IDUA: variants seen among roughly 807,000 people sequenced by gnomAD.
The protein encoded by IDUA is alpha-L-iduronidase.
Under a neutral mutation model 68.9 loss-of-function variants are expected in IDUA, and 65 were observed. The observed-to-expected ratio is 0.94, with a 90% CI of 0.77 to 1.16. The LOEUF (loss-of-function observed/expected upper bound fraction) is 1.16, where lower values mean the gene tolerates loss of function less well. Among genes scored for constraint, IDUA ranks in the 50% most tolerant of loss-of-function variants. The pLI is 0.00. For missense variants in IDUA, 1,046 were observed against 938.0 expected (o/e 1.12, Z -1.50); for synonymous variants, 529 against 433.6 (o/e 1.22, Z -2.73).
chr4:988,700 C>A, intron 2 of IDUA: 1 of 1,416,148 alleles, frequency 7.1e-7, no homozygotes, highest in East Asian at 2.6e-5. Context: ...TCCCCGGTTT[C>A]CCCAGGGCAG....
intron 2 of IDUA, chr4:989,843 T>A (rs1444246659): frequency 1.3e-6 from 2 of 1,578,772 alleles, no homozygotes; most frequent in African/African-American, 1.3e-5. Context: ...TAGCCGTGAC[T>A]GCGGGCGAAC....
At chr4:989,393 T>C in intron 2 of IDUA, 2 of 1,568,740 alleles carry the variant, frequency 1.3e-6, no homozygotes, top group Admixed American at 1.9e-5. Flanking sequence ...GTGTCCCCGA[T>C]GCGGGCCAGC....
rs1482242662 is a variant in IDUA at position 1,004,408 on chromosome 4, C to T, written c.*15C>T. 1.2e-6 allele frequency: 2 copies of T among 1,609,262 alleles called. No homozygotes were observed. The highest frequency in any genetic ancestry group is 2.2e-5 in the South Asian group (2 of 91,020). On this transcript the variant is annotated 3_prime_UTR_variant, in exon 14 of 14. Coordinates refer to ENST00000514224, the MANE Select transcript of IDUA (RefSeq NM_000203.5). The surrounding 1 kb of genome is among the most constrained non-coding windows in gnomAD (Gnocchi z 5.0). ...GCAATCCATGAGCCTGTGCTGAGCC[C>T]CAGTGGGTTGCACCTCCACCGGCAG...
Position 1,002,935 on chromosome 4 carries a change from C to G in IDUA, c.1393C>G (p.Pro465Ala). The change falls in exon 9 of 14, where the codon CCC (proline) becomes GCC (alanine). Residue 465 changes from proline to alanine, a missense_variant. By Grantham distance (27) the Pro-to-Ala change is conservative (BLOSUM62 -1). Transcript: ENST00000514224. ...GACCCTGCGGCTGCGCGGGGTGCCC[C>G]CCGGCCCGGGTAAGCCGGGGTTCCA... ...AVTLRLRGVP[P>A]GPGLVYVTRY... The G allele has an allele frequency of 7.3e-7, 1 of 1,361,842 alleles. No homozygotes were observed. The highest frequency in any genetic ancestry group is 1.8e-5 in the South Asian group (1 of 56,118). The allele number at this position is 1,361,842 out of a possible 1,614,324, so 84.4% of individuals were successfully genotyped here.
chr4:989,607 G>A lies in IDUA; in HGVS notation c.299+1658G>A, dbSNP rs766281224. The A allele has an allele frequency of 1.9e-5, 31 of 1,601,944 alleles. No individual in the cohort carries two copies. Among genetic ancestry groups the A allele is most frequent in the Middle Eastern group, 1.7e-4 (1 of 5,968 alleles). Reference sequence around the variant, plus strand: ...CCCCCCGCAGGCTGACCACGATGACGCAGGCCAGCACGCTTCGCTGTAGGT... The same window carrying A: ...CCCCCCGCAGGCTGACCACGATGACACAGGCCAGCACGCTTCGCTGTAGGT... On this transcript the variant is annotated intron_variant, in intron 2 of 13. Coordinates refer to ENST00000514224, the MANE Select transcript of IDUA (RefSeq NM_000203.5).
chr4:995,411 A>C (rs1370794606), intron 2 of IDUA, among the ~76,000 whole-genome samples: 5 of 151,426 alleles, frequency 3.3e-5, no homozygotes, highest in Admixed American at 3.3e-4. Context: ...GACAGTGAGT[A>C]CTGGGTGGGA....
chr4:1,001,672 G>C lies in IDUA; in HGVS notation c.590-7G>C, dbSNP rs762411583. 1 of 1,601,950 alleles carries C rather than the reference G, an allele frequency of 6.2e-7. No homozygotes were observed. The highest frequency in any genetic ancestry group is 2.2e-5 in the East Asian group (1 of 44,772). On this transcript the variant is annotated splice_region_variant and splice_polypyrimidine_tract_variant and intron_variant, in intron 5 of 13. Transcript: ENST00000514224. ...GCAGGTGTAGACGCAGTGCTCCCCC[G>C]GCCCAGGCTTCCTGAACTACTACGA...
At chr4:990,933 C>T (rs1714241114) in intron 2 of IDUA, 1 of 582,176 alleles carries the variant, frequency 1.7e-6, no homozygotes, top group Non-Finnish European at 2.9e-6. Context: ...TCCCCTCCTG[C>T]ATCCACAGCC....
chr4:991,246 A>G (rs1178661703), intron 2 of IDUA: 1 of 1,611,958 alleles, frequency 6.2e-7, no homozygotes, highest in East Asian at 2.2e-5. Flanking sequence ...TCCGGGCTGC[A>G]GGCCGTCCTG....
intron 2 of IDUA, among the ~76,000 whole-genome samples, chr4:997,528 C>T (rs1328665985): frequency 1.3e-5 from 2 of 151,216 alleles, no homozygotes; most frequent in Non-Finnish European, 3.0e-5. Flanking sequence ...GCCGCTCAGC[C>T]GCGGCCGCGC....
intron 2 of IDUA, chr4:989,149 C>G (rs1289532466): frequency 6.2e-7 from 1 of 1,607,690 alleles, no homozygotes; most frequent in East Asian, 2.2e-5. Context: ...AGCCCTGGTG[C>G]TAACCGGGCC....
Position 1,004,113 on chromosome 4 carries a change from G to C in IDUA, c.1828+1G>C, listed in dbSNP as rs919151683. On this transcript the variant is annotated splice_donor_variant, in intron 13 of 13. Transcript: ENST00000514224. LOFTEE classifies it high-confidence loss of function. This position sits in a 1 kb window ranked among gnomAD's most constrained non-coding sequence, Gnocchi z 5.0. Reference sequence around the variant, plus strand: ...TTCAACCTCTTTGTGTTCAGCCCAGGTGCGCCCACCACCCGCTGCCCTGGA... The same window carrying C: ...TTCAACCTCTTTGTGTTCAGCCCAGCTGCGCCCACCACCCGCTGCCCTGGA... 6.2e-7 allele frequency: 1 copy of C among 1,612,754 alleles called. No individual in the cohort carries two copies. Among genetic ancestry groups the C allele is most frequent in the African/African-American group, 1.3e-5 (1 of 74,716 alleles).
At chr4:1,001,050 C>A (rs889204338) in intron 4 of IDUA, 61 bp downstream of exon 4, 4 of 1,167,786 alleles carry the variant, frequency 3.4e-6, no homozygotes, top group South Asian at 1.2e-5. Flanking sequence ...GCAGGTTGCA[C>A]CCCTATCACG....
rs1430955175 is a variant in IDUA at position 992,148 on chromosome 4, C to T, written c.299+4199C>T. On this transcript the variant is annotated intron_variant, in intron 2 of 13. Coordinates refer to ENST00000514224, the MANE Select transcript of IDUA (RefSeq NM_000203.5). ...GGCTGCCACCACGCACATGTGCCTA[C>T]CGTCAGAATGTCACAGTCACTGGAC... 8 of 473,808 alleles carry T rather than the reference C, an allele frequency of 1.7e-5. No individual in the cohort carries two copies. The East Asian group carries it at 5.1e-4, about 30-fold the overall frequency. 29.4% of individuals were successfully genotyped at this position (473,808 alleles called of 1,614,324 possible).
At chr4:998,497 G>T (rs1242231096) in intron 2 of IDUA, among the ~76,000 whole-genome samples, 1 of 152,142 alleles carries the variant, frequency 6.6e-6, no homozygotes, top group Non-Finnish European at 1.5e-5. Flanking sequence ...GGGCAGCTGT[G>T]CTCACCTGCG....
intron 2 of IDUA, among the ~76,000 whole-genome samples, chr4:996,612 C>A (rs1489695343): frequency 6.6e-6 from 1 of 152,190 alleles, no homozygotes; most frequent in Non-Finnish European, 1.5e-5. Context: ...GGCCTCAGGT[C>A]TTCTGCAGGC....
chr4:1,000,146 C>T, intron 2 of IDUA: 1 of 225,272 alleles, frequency 4.4e-6, no homozygotes. Context: ...GAATTCAGCC[C>T]ATCTGCAAGT....
chr4:1,000,086 C>T (rs1289429612), intron 2 of IDUA: 2 of 169,950 alleles, frequency 1.2e-5, no homozygotes, highest in Non-Finnish European at 2.5e-5. Flanking sequence ...GGCAGGGCGG[C>T]CCCCTTCACC....
intron 2 of IDUA, chr4:989,512 C>T: frequency 1.9e-6 from 3 of 1,553,232 alleles, no homozygotes; most frequent in Non-Finnish European, 2.6e-6. Context: ...GGCCGCGGTG[C>T]CTGCCCAGAC....
Sources: allele counts gnomAD v4.1 joint callset (sites outside exome capture counted in the v4.1 genomes callset), GRCh38; gene constraint gnomAD v4.1.1; non-coding constraint Gnocchi (gnomAD v3.1); transcripts MANE v1.5; gene names NCBI Gene and HGNC (gene_info 2026-07-23, HGNC 2026-07-21).